Variants in APC observed in about 807,000 individuals in gnomAD.
APC encodes adenomatous polyposis coli protein.
In APC, 72 loss-of-function variants were observed where a neutral mutation model predicts 247.0. That is an observed-to-expected ratio of 0.29 (90% confidence interval 0.24 to 0.35). APC has a LOEUF of 0.35. APC is among the 10% of genes least tolerant of loss of function. The pLI is 1.00. For missense variants in APC, 3,400 were observed against 3,360.7 expected, an observed-to-expected ratio of 1.01 and a Z score of -0.29; for synonymous variants, 1,254 against 1,162.5, an observed-to-expected ratio of 1.08 and a Z score of -1.60.
chr5:112,792,339 AATG>A, intron 6 of APC, 104 bp from the exon 7 acceptor site: 1 of 702,248 alleles, frequency 1.4e-6, no homozygotes, highest in South Asian at 1.9e-5. Flanking sequence ...TTTAAATGAG[AATG>A]ATTTGACATA....
chr5:112,766,261 A>C (rs1451345594), intron 2 of APC, 65 bp from the exon 3 acceptor site: 4 of 1,203,216 alleles, frequency 3.3e-6, no homozygotes, highest in Non-Finnish European at 4.9e-6. Flanking sequence ...AATGTCAAGA[A>C]ATACAGAATC....
At chr5:112,788,896 C>A (rs1219246999) in intron 6 of APC, among the ~76,000 whole-genome samples, 1 of 152,058 alleles carries the variant, frequency 6.6e-6, no homozygotes, top group Non-Finnish European at 1.5e-5. Flanking sequence ...CTTTCCAGTC[C>A]TTACAGCGTT....
At chr5:112,726,404 A>G (rs965967869) in intron 1 of APC, among the ~76,000 whole-genome samples, 3 of 152,184 alleles carry the variant, frequency 2.0e-5, no homozygotes, top group South Asian at 2.1e-4. Context: ...CCAGTAGGCA[A>G]TTTCCTCTCT....
chr5:112,785,855 A>G (rs929993320), intron 6 of APC, among the ~76,000 whole-genome samples: 9 of 152,192 alleles, frequency 5.9e-5, no homozygotes, highest in African/African-American at 2.2e-4. Context: ...AAATGTGAAA[A>G]ATAAATCTAA....
At chr5:112,725,338 A>C (rs1477275372) in intron 1 of APC, among the ~76,000 whole-genome samples, 1 of 152,182 alleles carries the variant, frequency 6.6e-6, no homozygotes, top group Admixed American at 6.5e-5. Flanking sequence ...GTTGTTAAAG[A>C]TTTAAACAGT....
intron 1 of APC, among the ~76,000 whole-genome samples, chr5:112,740,524 C>CTTTTTTTTTTTTTTTTTTTTTT (rs11286305): frequency 2.0e-5 from 2 of 99,134 alleles, no homozygotes; most frequent in Non-Finnish European, 3.9e-5. Context: ...GTTTTTTTTT[C>CTTTTTTTTTTTTTTTTTTTTTT]TTTTTTTTTT....
intron 1 of APC, among the ~76,000 whole-genome samples, chr5:112,715,303 G>T (rs1380468898): frequency 6.6e-6 from 1 of 152,102 alleles, no homozygotes; most frequent in Non-Finnish European, 1.5e-5. Flanking sequence ...TTTAGTGGGG[G>T]ACATAGTCAA....
At chr5:112,813,293 CG>C (rs1762163227) in intron 8 of APC, among the ~76,000 whole-genome samples, 1 of 152,028 alleles carries the variant, frequency 6.6e-6, no homozygotes, top group African/African-American at 2.4e-5. Context: ...TTATTGTGAA[CG>C]ATGATCTAAA....
At chr5:112,794,844 C>G (rs543131151) in intron 7 of APC, among the ~76,000 whole-genome samples, 11 of 152,294 alleles carry the variant, frequency 7.2e-5, no homozygotes, top group Admixed American at 6.5e-4. Flanking sequence ...TCACAACTCA[C>G]TGAAAGTGCT....
chr5:112,765,231 A>G (rs540122885), intron 2 of APC, among the ~76,000 whole-genome samples: 129 of 152,176 alleles, frequency 8.5e-4, no homozygotes, highest in African/African-American at 3.1e-3. Context: ...CAGCCTCCCA[A>G]GTAGCTGGGA....
chr5:112,725,291 A>G (rs1227740222), intron 1 of APC, among the ~76,000 whole-genome samples: 2 of 152,188 alleles, frequency 1.3e-5, no homozygotes, highest in African/African-American at 2.4e-5. Context: ...TCCTGTAAGT[A>G]TAACTTACAG....
chr5:112,724,849 C>T (rs1751685296), intron 1 of APC, among the ~76,000 whole-genome samples: 1 of 152,100 alleles, frequency 6.6e-6, no homozygotes, highest in Admixed American at 6.5e-5. Context: ...TGTGAAGAGC[C>T]AAGGCCATAA....
intron 2 of APC, among the ~76,000 whole-genome samples, chr5:112,765,230 A>G (rs1023208128): frequency 6.6e-6 from 1 of 151,994 alleles, no homozygotes; most frequent in Non-Finnish European, 1.5e-5. Flanking sequence ...TCAGCCTCCC[A>G]AGTAGCTGGG....
chr5:112,838,202 C>T lies in APC; in HGVS notation c.2608C>T (p.Pro870Ser), dbSNP rs33974176. Reference sequence around the variant, plus strand: ...CAACTACCATCCAGCAACAGAAAATCCAGGAACTTCTTCAAAGCGAGGTTT... The same window carrying T: ...CAACTACCATCCAGCAACAGAAAATTCAGGAACTTCTTCAAAGCGAGGTTT... ...LGNYHPATEN[P>S]GTSSKRGLQI... The change falls in exon 16 of 16, where the codon CCA becomes TCA. Residue 870 changes from proline (P) to serine (S), a missense_variant. Pro to Ser is a moderately conservative substitution (Grantham distance 74). This residue lies in a region of APC where 715 missense variants were observed against 656.6 expected (regional missense o/e 1.09). Transcript: ENST00000257430. The T allele has an allele frequency of 1.6e-3, 2,634 of 1,614,126 alleles. 50 individuals are homozygous for T. In the African/African-American group the frequency reaches 0.032, roughly 19 times the overall value.
intron 1 of APC, among the ~76,000 whole-genome samples, chr5:112,717,405 T>A (rs1442614409): frequency 6.6e-6 from 1 of 152,240 alleles, no homozygotes; most frequent in Non-Finnish European, 1.5e-5. Context: ...TTAATGCATG[T>A]CTTTACCATC....
chr5:112,801,177 A>G, intron 7 of APC, 102 bp from the exon 8 acceptor site: 1 of 785,306 alleles, frequency 1.3e-6, no homozygotes, highest in African/African-American at 1.7e-5. Flanking sequence ...AGTCTGTATA[A>G]TTGATGCATT....
At chr5:112,807,200 C>T (rs1306009508) in intron 8 of APC, among the ~76,000 whole-genome samples, 2 of 151,482 alleles carry the variant, frequency 1.3e-5, no homozygotes, top group Non-Finnish European at 2.9e-5. Context: ...CCATGCCCAG[C>T]CTGTGGAAAG....
intron 9 of APC, among the ~76,000 whole-genome samples, chr5:112,816,329 T>C (rs1015886151): frequency 7.2e-5 from 11 of 152,330 alleles, no homozygotes; most frequent in African/African-American, 2.2e-4. Flanking sequence ...TTTTTACTTA[T>C]CTTTTGCTGT....
upstream of APC, among the ~76,000 whole-genome samples, chr5:112,737,182 C>G (rs940074798): frequency 5.9e-5 from 9 of 152,154 alleles, no homozygotes; most frequent in African/African-American, 9.7e-5. Flanking sequence ...AGGGACTGCT[C>G]TAAATACTTC....
Sources: gnomAD v4.1 joint callset for allele counts (sites outside exome capture counted in the v4.1 genomes callset) on GRCh38, gnomAD v4.1.1 for gene constraint, gnomAD v4.1.1 regional missense constraint, MANE v1.5 for transcripts, NCBI Gene and HGNC (gene_info 2026-07-23, HGNC 2026-07-21) for gene names.